The following ARL6 variants were observed in gnomAD, a reference collection of about 807,000 sequenced individuals.
ARL6 encodes the protein ADP-ribosylation factor-like protein 6.
A neutral mutation model predicts 27.1 loss-of-function variants in ARL6; 18 were observed. The ratio of observed to expected loss-of-function variants is 0.66; its 90% CI spans 0.46 to 0.98. The LOEUF (loss-of-function observed/expected upper bound fraction) is 0.98. ARL6 is among the 50% of genes least tolerant of loss of function. ARL6 has a pLI of 0.00. For missense variants in ARL6, 187 were observed against 214.9 expected (o/e 0.87, Z 0.81); for synonymous variants, 65 against 72.3 (o/e 0.90, Z 0.51).
At chr3:97,796,125 A>G (rs551038108) in intron 7 of ARL6, among the ~76,000 whole-genome samples, 2 of 152,332 alleles carry the variant, frequency 1.3e-5, no homozygotes, top group East Asian at 3.9e-4. Flanking sequence ...TCACTTATAC[A>G]TATGAACAGA....
intron 5 of ARL6, among the ~76,000 whole-genome samples, chr3:97,787,691 T>G (rs2037524683): frequency 6.6e-6 from 1 of 152,142 alleles, no homozygotes; most frequent in African/African-American, 2.4e-5. Context: ...AAACAAAATA[T>G]TTAATGCTTT....
intron 6 of ARL6, among the ~76,000 whole-genome samples, chr3:97,788,869 C>T (rs909568181): frequency 3.9e-5 from 6 of 152,102 alleles, no homozygotes; most frequent in Non-Finnish European, 7.4e-5. Context: ...TTAGTGCCTA[C>T]GACTACCATC....
Position 97,780,235 on chromosome 3 carries a change from C to G in ARL6, c.185+15C>G, listed in dbSNP as rs1405588824. On this transcript the variant is annotated intron_variant, in intron 3 of 7. Transcript: ENST00000463745. ...AAATCATCCAGGTAATCCACTTTATCCCTTAACAAAAAAGTTGCTAGTGAA... is the reference window on the plus strand; with the variant it reads ...AAATCATCCAGGTAATCCACTTTATGCCTTAACAAAAAAGTTGCTAGTGAA... 6.3e-7 allele frequency: 1 copy of G among 1,599,214 alleles called. No individual in the cohort carries two copies. The highest frequency in any genetic ancestry group is 1.7e-4 in the Middle Eastern group (1 of 5,998).
At chr3:97,785,354 A>G (rs1208823860) in intron 5 of ARL6, among the ~76,000 whole-genome samples, 1 of 150,056 alleles carries the variant, frequency 6.7e-6, no homozygotes, top group Non-Finnish European at 1.5e-5. Context: ...AAAAAAAATC[A>G]GATGGAAAAA....
At chr3:97,781,498 A>G (rs890714510) in intron 4 of ARL6, among the ~76,000 whole-genome samples, 1 of 152,128 alleles carries the variant, frequency 6.6e-6, no homozygotes, top group African/African-American at 2.4e-5. Flanking sequence ...ATTACGTATT[A>G]TAAGTAATCT....
chr3:97,775,693 A>T lies in ARL6; in HGVS notation c.124-4466A>T, dbSNP rs1559675514. Among the ~76,000 whole-genome samples, 2 of 152,042 alleles carry T rather than the reference A, an allele frequency of 1.3e-5. 1 individual carries two copies. The highest frequency in any genetic ancestry group is 4.2e-4 in the South Asian group (2 of 4,804). On this transcript the variant is annotated intron_variant, in intron 2 of 7. Coordinates refer to ENST00000463745, the MANE Select transcript of ARL6 (RefSeq NM_001278293.3). ...AATTTCCTTCTTAATTTCTTCATTC[A>T]CCCATTGAATATTAGGAAGCATGTT... is the stretch of plus-strand genomic sequence containing the variant.
chr3:97,798,224 A>G lies in ARL6; in HGVS notation c.*175A>G. On this transcript the variant is annotated 3_prime_UTR_variant, in exon 8 of 8. Coordinates refer to ENST00000463745, the MANE Select transcript of ARL6 (RefSeq NM_001278293.3). ...TTCAGGTATGCTAATTTGGCCATTA[A>G]TTATTTAAAAACTAAATATTCCCTC... The G allele has an allele frequency of 1.6e-6, 1 of 635,316 alleles. No individual in the cohort carries two copies. 39.4% of individuals were successfully genotyped at this position (635,316 alleles called of 1,614,324 possible). A position where few individuals can be genotyped will look rare whatever the true frequency, so the allele number is the denominator to read the frequency against.
intron 2 of ARL6, among the ~76,000 whole-genome samples, chr3:97,776,336 A>G (rs1291657201): frequency 1.3e-5 from 2 of 152,070 alleles, no homozygotes; most frequent in African/African-American, 4.8e-5. Context: ...CATAGATGAA[A>G]TGAGTTTTTT....
rs117866926 is a variant in ARL6 at position 97,775,854 on chromosome 3, A to G, written c.124-4305A>G. Among the ~76,000 whole-genome samples the G allele has an allele frequency of 7.7e-4, 118 of 152,324 alleles. 1 individual carries two copies. The East Asian group carries it at 0.019, about 24-fold the overall frequency. ...GTTGAGATTTGTTTTGTTGCCTAAC[A>G]TGATCTATTTTAGAGAATGTTCCAT... On this transcript the variant is annotated intron_variant, in intron 2 of 7. Transcript: ENST00000463745.
At chr3:97,769,861 G>T (rs2036557904) in intron 2 of ARL6, among the ~76,000 whole-genome samples, 1 of 152,020 alleles carries the variant, frequency 6.6e-6, no homozygotes. Context: ...GCAAATGACA[G>T]GATTTCAGTC....
rs1374320790 is a variant in ARL6 at position 97,785,110 on chromosome 3, G to A, written c.349+61G>A. On this transcript the variant is annotated intron_variant, in intron 5 of 7. Coordinates refer to ENST00000463745, the MANE Select transcript of ARL6 (RefSeq NM_001278293.3). ...GGGGTTCATTTATGTGTAATGTTTT[G>A]TTCTTTGGGTATTGCTTATACTATG... 6.7e-6 allele frequency: 9 copies of A among 1,347,054 alleles called. No homozygotes were observed. In the East Asian group the frequency reaches 6.9e-5, roughly 10 times the overall value. 83.4% of individuals were successfully genotyped at this position (1,347,054 alleles called of 1,614,324 possible).
chr3:97,788,573 C>T (rs2037573804), intron 6 of ARL6, among the ~76,000 whole-genome samples: 2 of 151,918 alleles, frequency 1.3e-5, no homozygotes, highest in Non-Finnish European at 2.9e-5. Flanking sequence ...GTGTTAGCTC[C>T]CTGACAGCTG....
intron 4 of ARL6, among the ~76,000 whole-genome samples, chr3:97,782,962 G>A (rs1238549448): frequency 1.3e-5 from 2 of 150,388 alleles, no homozygotes; most frequent in African/African-American, 4.9e-5. Context: ...TATAAGGGAA[G>A]TTTACTTTCT....
At chr3:97,793,010 A>G (rs139910193) in intron 7 of ARL6, among the ~76,000 whole-genome samples, 1 of 152,320 alleles carries the variant, frequency 6.6e-6, no homozygotes, top group Non-Finnish European at 1.5e-5. Context: ...TAGCAGGGAT[A>G]TAGCACATAT....
At chr3:97,788,170 C>T (rs764611394) in intron 6 of ARL6, 51 bp downstream of exon 6, 63 of 1,572,964 alleles carry the variant, frequency 4.0e-5, no homozygotes, top group Non-Finnish European at 5.4e-5. Flanking sequence ...AATATACAAG[C>T]TTCAGAGTTG....
At chr3:97,797,931 T>C in intron 7 of ARL6, 93 bp from the exon 8 acceptor site, 1 of 1,193,420 alleles carries the variant, frequency 8.4e-7, no homozygotes, top group Non-Finnish European at 1.2e-6. Flanking sequence ...TACATAAGTT[T>C]CCAACATGTT....
intron 2 of ARL6, among the ~76,000 whole-genome samples, 185 bp from the exon 3 acceptor site, chr3:97,779,974 G>A (rs975259014): frequency 2.0e-5 from 3 of 151,982 alleles, no homozygotes; most frequent in Admixed American, 1.3e-4. Context: ...TTCATAATTA[G>A]TAAACCTTAA....
rs900638232 is a variant in ARL6, at chr3:97,764,889, C to T, written c.-116C>T. ...ATCGAGAAGAAGGCTGAGGGACCCTCGCACCAGATTTCCATCCCGGAGACC... is the reference window on the plus strand; with the variant it reads ...ATCGAGAAGAAGGCTGAGGGACCCTTGCACCAGATTTCCATCCCGGAGACC... On this transcript the variant is annotated 5_prime_UTR_variant, in exon 1 of 8. Coordinates refer to ENST00000463745, the MANE Select transcript of ARL6 (RefSeq NM_001278293.3). 1.3e-5 allele frequency: 2 copies of T among 152,266 alleles called. No homozygotes were observed. The highest frequency in any genetic ancestry group is 4.8e-5 in the African/African-American group (2 of 41,450). 9.4% of individuals were successfully genotyped at this position (152,266 alleles called of 1,614,324 possible). A position where few individuals can be genotyped will look rare whatever the true frequency, so the allele number is the denominator to read the frequency against.
In ARL6 at chr3:97,799,546, T is replaced by C. The variant is rs973959478; in HGVS notation, c.*1497T>C. On this transcript the variant is annotated 3_prime_UTR_variant, in exon 8 of 8. Coordinates refer to ENST00000463745, the MANE Select transcript of ARL6 (RefSeq NM_001278293.3). ...AATGTAATTTTTTAAAAAACTGATA[T>C]GCTACAACTATTTTAGGATGGAGAA... 13 of 152,232 alleles carry C rather than the reference T, an allele frequency of 8.5e-5. No individual in the cohort carries two copies. Among genetic ancestry groups the C allele is most frequent in the East Asian group, 1.9e-4 (1 of 5,188 alleles). 9.4% of individuals were successfully genotyped at this position (152,232 alleles called of 1,614,324 possible).
Sources: gnomAD v4.1 joint callset for allele counts (sites outside exome capture counted in the v4.1 genomes callset) on GRCh38, gnomAD v4.1.1 for gene constraint, MANE v1.5 for transcripts, NCBI Gene and HGNC (gene_info 2026-07-23, HGNC 2026-07-21) for gene names.